MRC2: variants seen among roughly 807,000 people sequenced by gnomAD.
MRC2 encodes C-type mannose receptor 2.
A neutral mutation model predicts 206.2 loss-of-function variants in MRC2; 84 were observed. The ratio of observed to expected loss-of-function variants is 0.41; its 90% CI spans 0.34 to 0.49. The LOEUF is 0.49. Among genes scored for constraint, MRC2 ranks in the 20% least tolerant of loss-of-function variants. The pLI is 0.31. For missense variants in MRC2, 1,676 were observed against 2,001.5 expected (o/e 0.84, Z 3.10); for synonymous variants, 798 against 800.0 (o/e 1.00, Z 0.04).
Position 62,675,889 on chromosome 17 carries a change from G to T in MRC2, c.1669G>T (p.Val557Phe). 6.2e-7 allele frequency: 1 copy of T among 1,614,084 alleles called. No individual in the cohort carries two copies. Residue 557 changes from valine (V) to phenylalanine (F), a missense_variant, in exon 10 of 30, where the codon GTC (valine) becomes TTC (phenylalanine). This residue lies in a region of MRC2 where 1,354 missense variants were observed against 1,636.6 expected (regional missense o/e 0.83). Transcript: ENST00000303375. This position sits in a 1 kb window ranked among gnomAD's most constrained non-coding sequence, Gnocchi z 4.1. ...GTGCACTGACCATGGCTCTCAGCTG[G>T]TCACCATCACCAACAGGTACAGCAG... is the stretch of plus-strand genomic sequence containing the variant. ...RLCTDHGSQLVTITNRFEQAF... is the reference protein window; with the variant it reads ...RLCTDHGSQLFTITNRFEQAF...
chr17:62,669,631 G>A (rs1469495531), intron 6 of MRC2, among the ~76,000 whole-genome samples: 1 of 152,050 alleles, frequency 6.6e-6, no homozygotes, highest in Non-Finnish European at 1.5e-5. Flanking sequence ...CCAGGTTCAA[G>A]CGATTCTCAT....
intron 12 of MRC2, among the ~76,000 whole-genome samples, chr17:62,677,866 A>G (rs945485095): frequency 6.6e-6 from 1 of 152,138 alleles, no homozygotes; most frequent in Non-Finnish European, 1.5e-5. Context: ...CCTGGCTAAC[A>G]TGGTGAAACC....
intron 1 of MRC2, among the ~76,000 whole-genome samples, chr17:62,651,778 GC>G (rs1217553041): frequency 6.6e-6 from 1 of 151,726 alleles, no homozygotes; most frequent in East Asian, 2.0e-4. Context: ...CACCATGTTG[GC>G]CAGGCTGGTC....
chr17:62,640,550 C>A (rs1253215673), intron 1 of MRC2, among the ~76,000 whole-genome samples: 2 of 152,126 alleles, frequency 1.3e-5, no homozygotes, highest in Middle Eastern at 3.2e-3. Flanking sequence ...GACACTGTCT[C>A]GCTCTGTTGC....
Position 62,689,564 on chromosome 17 carries a change from C to G in MRC2, c.3377C>G (p.Pro1126Arg). The change falls in exon 24 of 30, where the codon CCG (proline) becomes CGG (arginine). Residue 1126 changes from proline to arginine, a missense_variant. Pro to Arg is a moderately radical substitution (Grantham distance 103, BLOSUM62 -2). Around this residue, in one of 3 missense-constraint regions of MRC2, gnomAD observed 1,354 missense variants for 1,636.6 expected, o/e 0.83. Coordinates refer to ENST00000303375, the MANE Select transcript of MRC2 (RefSeq NM_006039.5). The part of the protein sequence containing the change: ...SPSPAALPPA[P>R]GTELSYLNGT... ...TCCCCAGCAGCGCTGCCCCCCGCCC[C>G]GGGCACTGAGCTCTCCTACCTCAAC... The G allele has an allele frequency of 6.3e-7, 1 of 1,598,504 alleles. No individual in the cohort carries two copies.
chr17:62,668,008 G>T (rs1212701687), intron 6 of MRC2, among the ~76,000 whole-genome samples: 1 of 152,152 alleles, frequency 6.6e-6, no homozygotes, highest in Non-Finnish European at 1.5e-5. Flanking sequence ...TCCTGGCAGA[G>T]GGAAGAGCAT....
In MRC2 at chr17:62,672,230, C is replaced by A; in HGVS notation, c.1461+78C>A. 1 of 1,556,096 alleles carries A rather than the reference C, an allele frequency of 6.4e-7. No individual in the cohort carries two copies. The highest frequency in any genetic ancestry group is 8.8e-7 in the Non-Finnish European group (1 of 1,131,996). Reference sequence around the variant, plus strand: ...AGGTGCCACCCCAGCTGAAGGACATCCTAGTTACTATCAGAACCTGCCTGG... The same window carrying A: ...AGGTGCCACCCCAGCTGAAGGACATACTAGTTACTATCAGAACCTGCCTGG... On this transcript the variant is annotated intron_variant, in intron 8 of 29. Transcript: ENST00000303375. This position sits in a 1 kb window ranked among gnomAD's most constrained non-coding sequence, Gnocchi z 4.5.
At position 62,635,191 on chromosome 17, in the gene MRC2, C is replaced by CTTTTT. The variant is rs35446845; in HGVS notation, c.118+7288_118+7292dup. ...CCTGTTACTTCATTGCTATTTTTCTCTTTTTTTTTTTTTTTTTTTTTCAGA... is the reference window on the plus strand; with the variant it reads ...CCTGTTACTTCATTGCTATTTTTCTCTTTTTTTTTTTTTTTTTTTTTTTTTTCAGA... On this transcript the variant is annotated intron_variant, in intron 1 of 29. Transcript: ENST00000303375. Among the ~76,000 whole-genome samples the CTTTTT allele has an allele frequency of 2.8e-3, 280 of 101,718 alleles. 10 individuals carry two copies. The highest frequency in any genetic ancestry group is 9.3e-3 in the African/African-American group (244 of 26,182). 66.7% of individuals were successfully genotyped at this position (101,718 alleles called of 152,430 possible).
rs1169702472 is a variant in MRC2, at chr17:62,689,697, C to T, written c.3510C>T (p.Ala1170=). 1 of 1,579,254 alleles carries T rather than the reference C, an allele frequency of 6.3e-7. No homozygotes were observed. Among genetic ancestry groups the T allele is most frequent in the Non-Finnish European group, 8.6e-7 (1 of 1,163,142 alleles). Residue 1170 remains alanine, a synonymous_variant, in exon 24 of 30, where the codon GCC becomes GCT. Coordinates refer to ENST00000303375, the MANE Select transcript of MRC2 (RefSeq NM_006039.5). ...ACGTGCCCGACCCCTACACCCAGGC[C>T]TTCCTCACGCAGGCTGCCCGAGGGC... is the stretch of plus-strand genomic sequence containing the variant. ...LAYVPDPYTQ[A]FLTQAARGLR...
At chr17:62,659,401 A>G (rs2088655018) in intron 1 of MRC2, among the ~76,000 whole-genome samples, 1 of 152,168 alleles carries the variant, frequency 6.6e-6, no homozygotes, top group South Asian at 2.1e-4. Flanking sequence ...TTAGCTGAGC[A>G]TGGTGACGCA....
At position 62,690,727 on chromosome 17, in the gene MRC2, G is replaced by C; in HGVS notation, c.3978G>C (p.Arg1326=). 1 of 1,612,312 alleles carries C rather than the reference G, an allele frequency of 6.2e-7. No individual in the cohort carries two copies. Among genetic ancestry groups the C allele is most frequent in the Non-Finnish European group, 8.5e-7 (1 of 1,179,280 alleles). The change falls in exon 27 of 30, where the codon CGG becomes CGC. Residue 1326 remains arginine (R), a synonymous_variant. Coordinates refer to ENST00000303375, the MANE Select transcript of MRC2 (RefSeq NM_006039.5). Reference sequence around the variant, plus strand: ...TGCAGAGCTATGAGGGCCAGAGTCGGGGCGCCTGGCTGGGCATGAACTTCA... The same window carrying C: ...TGCAGAGCTATGAGGGCCAGAGTCGCGGCGCCTGGCTGGGCATGAACTTCA... The part of the protein sequence containing the change: ...EHLQSYEGQS[R]GAWLGMNFNP...
intron 1 of MRC2, among the ~76,000 whole-genome samples, chr17:62,645,171 A>G (rs1408735919): frequency 1.3e-5 from 2 of 152,146 alleles, no homozygotes; most frequent in African/African-American, 4.8e-5. Context: ...TTGTGTAACA[A>G]ATGAGAAATG....
intron 1 of MRC2, among the ~76,000 whole-genome samples, chr17:62,628,400 C>A (rs1431503154): frequency 1.3e-5 from 2 of 152,116 alleles, no homozygotes. Flanking sequence ...TTCGTTTCCC[C>A]CACCTTCCCC....
chr17:62,690,107 T>C (rs749649898), intron 25 of MRC2, 45 bp downstream of exon 25: 1 of 1,579,982 alleles, frequency 6.3e-7, no homozygotes, highest in Non-Finnish European at 8.6e-7. Context: ...AAGCTGTCGG[T>C]GGCCCCGGGG....
intron 17 of MRC2, 38 bp from the exon 18 acceptor site, chr17:62,681,024 G>A (rs1322053866): frequency 6.2e-7 from 1 of 1,612,540 alleles, no homozygotes; most frequent in African/African-American, 1.3e-5. Flanking sequence ...TGAGGGCAGG[G>A]GGCTGCCTAC....
intron 20 of MRC2, among the ~76,000 whole-genome samples, chr17:62,686,519 G>A (rs1391118254): frequency 6.6e-6 from 1 of 152,158 alleles, no homozygotes; most frequent in African/African-American, 2.4e-5. Flanking sequence ...CCAACAGGAG[G>A]TGGAGCTCAG....
intron 1 of MRC2, among the ~76,000 whole-genome samples, chr17:62,632,457 T>C (rs2088253965): frequency 6.6e-6 from 1 of 152,210 alleles, no homozygotes; most frequent in Non-Finnish European, 1.5e-5. Context: ...TGACTGTGCA[T>C]TCTGCCCTCC....
chr17:62,631,255 GGCTGC>G (rs1400433117), intron 1 of MRC2, among the ~76,000 whole-genome samples: 4 of 152,120 alleles, frequency 2.6e-5, no homozygotes, highest in African/African-American at 7.2e-5. Context: ...TGGCACCCAC[GGCTGC>G]GCTGTGCATG....
At position 62,671,977 on chromosome 17, in the gene MRC2, C is replaced by G; in HGVS notation, c.1307-21C>G. On this transcript the variant is annotated intron_variant, in intron 7 of 29. Transcript: ENST00000303375. This position sits in a 1 kb window ranked among gnomAD's most constrained non-coding sequence, Gnocchi z 4.5. ...GACCTCTCAATGTTTTCTCTCCCCT[C>G]CTCTCCTGCTGCACCCCCAGAGGTG... is the stretch of plus-strand genomic sequence containing the variant. 6.2e-7 allele frequency: 1 copy of G among 1,614,124 alleles called. No homozygotes were observed. The highest frequency in any genetic ancestry group is 1.3e-5 in the African/African-American group (1 of 75,062).
Sources: gnomAD v4.1 joint callset for allele counts (sites outside exome capture counted in the v4.1 genomes callset) on GRCh38, gnomAD v4.1.1 for gene constraint, gnomAD v4.1.1 regional missense constraint, Gnocchi (gnomAD v3.1) non-coding constraint, MANE v1.5 for transcripts, NCBI Gene and HGNC (gene_info 2026-07-23, HGNC 2026-07-21) for gene names.